TUSC3: variants seen among roughly 807,000 people sequenced by gnomAD.
The protein encoded by TUSC3 is tumor suppressor candidate 3, also known as dolichyl-diphosphooligosaccharide--protein glycosyltransferase subunit TUSC3.
Under a neutral mutation model 44.8 loss-of-function variants are expected in TUSC3, and 45 were observed. The ratio of observed to expected loss-of-function variants is 1.00; its 90% CI spans 0.79 to 1.29. The LOEUF (loss-of-function observed/expected upper bound fraction) is 1.29, where lower values mean the gene tolerates loss of function less well. Among genes scored for constraint, TUSC3 ranks in the 50% most tolerant of loss-of-function variants. The pLI, the probability that TUSC3 is intolerant of heterozygous loss-of-function variation, is 0.00. For missense variants in TUSC3, 519 were observed against 437.9 expected (o/e 1.19, Z -1.65); for synonymous variants, 212 against 152.9 (o/e 1.39, Z -2.85).
At chr8:15,781,141 C>T in the TUSC3 span, among the ~76,000 whole-genome samples, 2 of 152,234 alleles carry the variant, frequency 1.3e-5, no homozygotes, top group South Asian at 2.1e-4. Flanking sequence ...CCAGGTCTGC[C>T]CATTTTTCCT....
intron 1 of TUSC3, 87 bp from the exon 2 acceptor site, chr8:15,622,993 A>G: frequency 1.5e-6 from 2 of 1,366,578 alleles, no homozygotes; most frequent in Non-Finnish European, 2.0e-6. Flanking sequence ...TAGGAAAAAG[A>G]AAATAAAACA....
chr8:15,433,543 C>T (rs1268165687), intron 1 of TUSC3, among the ~76,000 whole-genome samples: 2 of 151,992 alleles, frequency 1.3e-5, no homozygotes, highest in Non-Finnish European at 2.9e-5. Context: ...CCCACTCCCC[C>T]ACCCATATAA....
chr8:15,528,150 A>G (rs1347326046), intron 2 of TUSC3, among the ~76,000 whole-genome samples: 2 of 152,112 alleles, frequency 1.3e-5, no homozygotes, highest in Non-Finnish European at 2.9e-5. Flanking sequence ...ATTAAGCACA[A>G]TTTTGGTACT....
At chr8:15,654,843 A>G (rs1807083544) in intron 3 of TUSC3, among the ~76,000 whole-genome samples, 1 of 152,256 alleles carries the variant, frequency 6.6e-6, no homozygotes, top group East Asian at 1.9e-4. Context: ...ATGGAGATAG[A>G]GTTCAGAAGG....
intron 2 of TUSC3, among the ~76,000 whole-genome samples, chr8:15,637,390 T>G (rs1806130062): frequency 1.3e-5 from 2 of 152,194 alleles, no homozygotes; most frequent in African/African-American, 4.8e-5. Context: ...TGAAACATAC[T>G]GGTTTCCTGA....
At chr8:15,476,012 C>G (rs1013347808) in intron 1 of TUSC3, among the ~76,000 whole-genome samples, 5 of 152,142 alleles carry the variant, frequency 3.3e-5, no homozygotes, top group African/African-American at 1.2e-4. Context: ...TTCTGTACAT[C>G]AAGCTTTGAA....
At chr8:15,818,341 T>C in the TUSC3 span, among the ~76,000 whole-genome samples, 1 of 152,230 alleles carries the variant, frequency 6.6e-6, no homozygotes, top group Non-Finnish European at 1.5e-5. Flanking sequence ...CAAACAGCTT[T>C]TCAGCTTTTT....
At chr8:15,512,434 G>A (rs1356117270) in intron 2 of TUSC3, among the ~76,000 whole-genome samples, 2 of 152,082 alleles carry the variant, frequency 1.3e-5, no homozygotes, top group African/African-American at 4.8e-5. Flanking sequence ...TCAGATTTTG[G>A]ACTGCCCAAC....
At chr8:15,803,181 C>T in the TUSC3 span, among the ~76,000 whole-genome samples, 46 of 151,098 alleles carry the variant, frequency 3.0e-4, no homozygotes, top group African/African-American at 9.9e-4. Context: ...TTCCAAATTG[C>T]CTAAAACGTG....
the TUSC3 span, chr8:15,806,314 G>C: frequency 7.1e-6 from 5 of 705,720 alleles, no homozygotes; most frequent in Admixed American, 3.6e-5. Context: ...ACTAAGTCAG[G>C]GACACCTTCC....
At chr8:15,697,618 T>C (rs1809226648) in intron 6 of TUSC3, among the ~76,000 whole-genome samples, 1 of 152,188 alleles carries the variant, frequency 6.6e-6, no homozygotes, top group South Asian at 2.1e-4. Context: ...CACATACCTG[T>C]TGAATGAGTG....
downstream of TUSC3, among the ~76,000 whole-genome samples, chr8:15,770,421 TG>T (rs1483365818): frequency 2.6e-5 from 4 of 151,942 alleles, no homozygotes; most frequent in African/African-American, 9.7e-5. Context: ...GATCAGGGGC[TG>T]GGGAGAGATA....
At chr8:15,777,565 G>A in the TUSC3 span, among the ~76,000 whole-genome samples, 1,142 of 152,272 alleles carry the variant, frequency 7.5e-3, 21 homozygotes, top group African/African-American at 0.026. Context: ...AAGCAGATAT[G>A]AAGCATATAA....
chr8:15,772,555 A>T, the TUSC3 span, among the ~76,000 whole-genome samples: 1 of 152,220 alleles, frequency 6.6e-6, no homozygotes, highest in African/African-American at 2.4e-5. Context: ...ACCCAAGACC[A>T]GATGACTTCA....
At chr8:15,814,538 T>G in the TUSC3 span, among the ~76,000 whole-genome samples, 6 of 152,238 alleles carry the variant, frequency 3.9e-5, no homozygotes, top group East Asian at 3.8e-4. Flanking sequence ...TTTGTGCTAC[T>G]GCACTTTAGG....
chr8:15,434,780 G>T (rs1453102631), intron 1 of TUSC3, among the ~76,000 whole-genome samples: 1 of 151,810 alleles, frequency 6.6e-6, no homozygotes, highest in African/African-American at 2.4e-5. Flanking sequence ...GTGAGAACAT[G>T]TGGTGTTTGG....
intron 2 of TUSC3, among the ~76,000 whole-genome samples, chr8:15,626,750 G>T (rs1478135416): frequency 3.3e-5 from 5 of 152,196 alleles, no homozygotes; most frequent in Non-Finnish European, 7.4e-5. Context: ...CATGCTCAGG[G>T]TAGAGCTGAC....
chr8:15,838,428 T>C, the TUSC3 span, among the ~76,000 whole-genome samples: 1 of 152,150 alleles, frequency 6.6e-6, no homozygotes, highest in Non-Finnish European at 1.5e-5. Context: ...CAACTATATA[T>C]CATGACTGTG....
At chr8:15,485,623 C>A (rs1800723989) in intron 2 of TUSC3, among the ~76,000 whole-genome samples, 1 of 151,996 alleles carries the variant, frequency 6.6e-6, no homozygotes, top group Non-Finnish European at 1.5e-5. Context: ...AAATTTCTCT[C>A]TTCTATCTCT....
Sources: gnomAD v4.1 joint callset for allele counts (sites outside exome capture counted in the v4.1 genomes callset) on GRCh38, gnomAD v4.1.1 for gene constraint, MANE v1.5 for transcripts, NCBI Gene and HGNC (gene_info 2026-07-23, HGNC 2026-07-21) for gene names.